TNKS: variants seen among roughly 807,000 people sequenced by gnomAD.
The protein encoded by TNKS is tankyrase, also known as poly [ADP-ribose] polymerase tankyrase-1.
A neutral mutation model predicts 135.8 loss-of-function variants in TNKS; 72 were observed. The ratio of observed to expected loss-of-function variants is 0.53; its 90% confidence interval spans 0.44 to 0.64. The LOEUF is 0.64. Among genes scored for constraint, TNKS ranks in the 30% least tolerant of loss-of-function variants. TNKS has a pLI of 0.00. For synonymous variants in TNKS, 849 were observed against 649.3 expected (o/e 1.31, Z -4.68); for missense variants, 1,769 against 1,674.0 (o/e 1.06, Z -0.99).
At chr8:9,761,399 G>C in intron 20 of TNKS, 117 bp from the exon 21 acceptor site, 1 of 1,092,860 alleles carries the variant, frequency 9.2e-7, no homozygotes, top group Admixed American at 2.9e-5. Flanking sequence ...TTTATAAAGG[G>C]AACAAAAGAA....
At chr8:9,588,925 T>G (rs1469854141) in intron 2 of TNKS, among the ~76,000 whole-genome samples, 3 of 152,212 alleles carry the variant, frequency 2.0e-5, no homozygotes, top group East Asian at 1.9e-4. Flanking sequence ...CTTATCCAAG[T>G]TGAGAGGGAT....
intron 17 of TNKS, among the ~76,000 whole-genome samples, chr8:9,735,703 G>C (rs927921431): frequency 1.3e-5 from 2 of 152,038 alleles, no homozygotes; most frequent in Non-Finnish European, 2.9e-5. Context: ...GGGAGGCTGA[G>C]GCAGGAGAAT....
intron 1 of TNKS, among the ~76,000 whole-genome samples, chr8:9,560,682 ATTAC>A (rs1184956870): frequency 6.6e-6 from 1 of 151,636 alleles, no homozygotes; most frequent in Non-Finnish European, 1.5e-5. Flanking sequence ...GATCCTTTAT[ATTAC>A]TTGTAAGCAA....
At chr8:9,735,593 G>C in intron 17 of TNKS, 107 bp downstream of exon 17, 1 of 818,216 alleles carries the variant, frequency 1.2e-6, no homozygotes, top group Non-Finnish European at 2.0e-6. Context: ...GAGGTCAGGA[G>C]GTCGAGACAA....
chr8:9,721,889 C>G (rs1804902908), intron 12 of TNKS, among the ~76,000 whole-genome samples: 1 of 151,828 alleles, frequency 6.6e-6, no homozygotes, highest in Non-Finnish European at 1.5e-5. Flanking sequence ...CCCATCTCTA[C>G]TAAATGTTAA....
At chr8:9,761,681 C>G (rs368340162) in intron 21 of TNKS, 45 bp downstream of exon 21, 2 of 1,572,316 alleles carry the variant, frequency 1.3e-6, no homozygotes, top group Admixed American at 2.0e-5. Flanking sequence ...ATCAGTGGTA[C>G]AAGGTAAGTA....
Position 9,646,142 on chromosome 8 carries a change from A to G in TNKS, c.994+30465A>G, listed in dbSNP as rs181980762. On this transcript the variant is annotated intron_variant, in intron 3 of 26. Coordinates refer to ENST00000310430, the MANE Select transcript of TNKS (RefSeq NM_003747.3). ...GCTTACTTGTATATTGCAAACATTT[A>G]TTGCTTGCTTGCTTACTTACATTGC... is the stretch of plus-strand genomic sequence containing the variant. Among the ~76,000 whole-genome samples the G allele has an allele frequency of 4.1e-4, 62 of 152,070 alleles. 1 individual carries two copies. The highest frequency in any genetic ancestry group is 7.9e-4 in the Non-Finnish European group (54 of 67,950).
chr8:9,588,343 A>C (rs1418520945), intron 2 of TNKS, among the ~76,000 whole-genome samples: 2 of 151,682 alleles, frequency 1.3e-5, no homozygotes, highest in Non-Finnish European at 2.9e-5. Flanking sequence ...GGCGGGATCT[A>C]GGCTCACTGC....
chr8:9,681,321 G>C (rs2128797615), intron 5 of TNKS, among the ~76,000 whole-genome samples: 1 of 152,166 alleles, frequency 6.6e-6, no homozygotes, highest in Middle Eastern at 3.4e-3. Flanking sequence ...AATATTGAAA[G>C]AAAATAGATT....
chr8:9,694,195 G>T (rs943368699), intron 5 of TNKS, among the ~76,000 whole-genome samples: 1 of 152,148 alleles, frequency 6.6e-6, no homozygotes, highest in Non-Finnish European at 1.5e-5. Context: ...AATTCACCAT[G>T]TCGGATTATC....
chr8:9,710,335 A>T (rs1804262398), intron 11 of TNKS, 115 bp downstream of exon 11: 1 of 900,200 alleles, frequency 1.1e-6, no homozygotes, highest in Non-Finnish European at 1.8e-6. Context: ...AAGGACTATT[A>T]GTTCGTACTT....
intron 3 of TNKS, among the ~76,000 whole-genome samples, chr8:9,650,380 C>G (rs1351780523): frequency 6.6e-6 from 1 of 152,104 alleles, no homozygotes; most frequent in East Asian, 1.9e-4. Flanking sequence ...GTTTTTACTT[C>G]TTTTAGTCTC....
At chr8:9,750,966 C>G (rs773318784) in intron 18 of TNKS, among the ~76,000 whole-genome samples, 1 of 152,236 alleles carries the variant, frequency 6.6e-6, no homozygotes, top group Non-Finnish European at 1.5e-5. Context: ...AAAGTAGACA[C>G]TGCCAATCCA....
intron 3 of TNKS, among the ~76,000 whole-genome samples, chr8:9,646,565 T>C (rs977513187): frequency 6.6e-6 from 1 of 152,188 alleles, no homozygotes; most frequent in African/African-American, 2.4e-5. Flanking sequence ...TCATAACATG[T>C]TCCCTTTTAA....
At chr8:9,710,257 A>C in intron 11 of TNKS, 37 bp downstream of exon 11, 1 of 1,597,190 alleles carries the variant, frequency 6.3e-7, no homozygotes, top group Non-Finnish European at 8.6e-7. Context: ...CAGACTCAGC[A>C]CTGAGCAGCC....
At chr8:9,726,597 T>A (rs771506324) in intron 12 of TNKS, 44 bp from the exon 13 acceptor site, 2 of 1,411,890 alleles carry the variant, frequency 1.4e-6, no homozygotes, top group Non-Finnish European at 1.9e-6. Context: ...TTGGAATATA[T>A]GAGTTTGGAT....
At chr8:9,715,859 A>G (rs1209320676) in intron 11 of TNKS, among the ~76,000 whole-genome samples, 1 of 152,122 alleles carries the variant, frequency 6.6e-6, no homozygotes, top group African/African-American at 2.4e-5. Context: ...TCTAAATAGG[A>G]AAGACATGAA....
chr8:9,741,543 A>T (rs1585402508), intron 17 of TNKS: 2 of 225,466 alleles, frequency 8.9e-6, no homozygotes, highest in East Asian at 1.8e-4. Context: ...TTCTCATGGG[A>T]TAGCGTTAAG....
chr8:9,720,670 C>T (rs1444864966), intron 12 of TNKS, 125 bp downstream of exon 12: 3 of 1,094,644 alleles, frequency 2.7e-6, no homozygotes, highest in East Asian at 5.6e-5. Flanking sequence ...TGCAATTTAG[C>T]CTGTGGACTT....
Sources: allele counts gnomAD v4.1 joint callset (sites outside exome capture counted in the v4.1 genomes callset), GRCh38; gene constraint gnomAD v4.1.1; transcripts MANE v1.5; gene names NCBI Gene and HGNC (gene_info 2026-07-23, HGNC 2026-07-21).